Variants in CATSPERB observed in about 807,000 individuals in gnomAD.
CATSPERB encodes the protein cation channel sperm-associated auxiliary subunit beta.
Under a neutral mutation model 128.3 loss-of-function variants are expected in CATSPERB, and 93 were observed. The observed-to-expected ratio is 0.72, with a 90% CI of 0.61 to 0.86. The LOEUF is 0.86. CATSPERB is among the 40% of genes least tolerant of loss of function. The pLI is 0.00. For missense variants in CATSPERB, 1,153 were observed against 1,329.5 expected, an observed-to-expected ratio of 0.87 and a Z score of 2.06; for synonymous variants, 381 against 448.8, an observed-to-expected ratio of 0.85 and a Z score of 1.91.
intron 20 of CATSPERB, among the ~76,000 whole-genome samples, chr14:91,614,422 G>T (rs1038963462): frequency 6.6e-6 from 1 of 152,194 alleles, no homozygotes; most frequent in African/African-American, 2.4e-5. Context: ...TAGCACTTTG[G>T]GAGGCCTAGG....
At chr14:91,688,024 A>G (rs1895403972) in intron 10 of CATSPERB, among the ~76,000 whole-genome samples, 1 of 152,108 alleles carries the variant, frequency 6.6e-6, no homozygotes. Context: ...CACACGAATA[A>G]ATATGAGATA....
chr14:91,648,290 T>C (rs545706153), intron 15 of CATSPERB, among the ~76,000 whole-genome samples: 6 of 152,206 alleles, frequency 3.9e-5, no homozygotes, highest in Non-Finnish European at 8.8e-5. Flanking sequence ...AATCTTTTAA[T>C]GGCATGATGA....
chr14:91,589,466 T>C (rs1477681289), intron 24 of CATSPERB, 68 bp downstream of exon 24: 2 of 1,475,096 alleles, frequency 1.4e-6, no homozygotes, highest in African/African-American at 2.8e-5. Flanking sequence ...TGAAAACCAT[T>C]GATCTTTGTA....
At chr14:91,700,495 C>T (rs912069491) in intron 7 of CATSPERB, among the ~76,000 whole-genome samples, 3 of 152,106 alleles carry the variant, frequency 2.0e-5, no homozygotes, top group African/African-American at 7.2e-5. Flanking sequence ...GCCAGCTCTT[C>T]TTTGCATGTC....
At chr14:91,591,800 T>C in intron 23 of CATSPERB, 92 bp downstream of exon 23, 2 of 826,444 alleles carry the variant, frequency 2.4e-6, no homozygotes, top group South Asian at 2.8e-5. Flanking sequence ...ATTATTTCTA[T>C]GTCTTAGTTT....
intron 15 of CATSPERB, among the ~76,000 whole-genome samples, chr14:91,658,985 A>G (rs985314934): frequency 3.9e-5 from 6 of 152,008 alleles, no homozygotes; most frequent in African/African-American, 1.2e-4. Flanking sequence ...GCAAAATTCA[A>G]CTGAGTTGGA....
intron 10 of CATSPERB, among the ~76,000 whole-genome samples, chr14:91,688,496 A>AT (rs973897894): frequency 1.8e-4 from 27 of 151,060 alleles, no homozygotes; most frequent in Non-Finnish European, 2.5e-4. Flanking sequence ...ATGTTCTTTC[A>AT]TTTTTTTTTA....
intron 19 of CATSPERB, among the ~76,000 whole-genome samples, chr14:91,618,180 G>T (rs1450421617): frequency 6.6e-6 from 1 of 152,166 alleles, no homozygotes; most frequent in Non-Finnish European, 1.5e-5. Context: ...AACTGTCATG[G>T]TGCTGGTGGG....
At chr14:91,660,089 G>T in intron 14 of CATSPERB, 108 bp from the exon 15 acceptor site, 1 of 816,812 alleles carries the variant, frequency 1.2e-6, no homozygotes, top group Non-Finnish European at 1.9e-6. Context: ...TTTTCCATAT[G>T]CCTACATTCA....
intron 3 of CATSPERB, 55 bp from the exon 4 acceptor site, chr14:91,723,244 C>T: frequency 7.6e-7 from 1 of 1,310,930 alleles, no homozygotes; most frequent in Non-Finnish European, 1.0e-6. Context: ...TGCAGACACA[C>T]AAGTTAGTTA....
rs1160059916 is a variant in CATSPERB, at chr14:91,621,840, A to G, written c.2028T>C (p.Asn676=). The change falls in exon 19 of 27, where the codon AAT becomes AAC. Residue 676 remains asparagine, a synonymous_variant. Coordinates refer to ENST00000256343, the MANE Select transcript of CATSPERB (RefSeq NM_024764.4). ...FLITSILDNK[N]ALAIATMPES... is the part of the protein sequence containing the mutation. The stretch of plus-strand genomic sequence containing the variant: ...CAGGCATGGTAGCAATGGCTAATGC[A>G]TTCTTATTATCTAAAATGCTTGTGA... The G allele has an allele frequency of 6.2e-7, 1 of 1,614,102 alleles. No individual in the cohort carries two copies. The highest frequency in any genetic ancestry group is 2.2e-5 in the East Asian group (1 of 44,870).
intron 9 of CATSPERB, among the ~76,000 whole-genome samples, chr14:91,692,248 G>C (rs1895485820): frequency 6.6e-6 from 1 of 151,452 alleles, no homozygotes; most frequent in South Asian, 2.1e-4. Context: ...GTTTAGGAAG[G>C]CACACCCTCA....
At chr14:91,709,524 C>CCA (rs546702882) in intron 5 of CATSPERB, 1 of 74,638 alleles carries the variant, frequency 1.3e-5, no homozygotes, top group Non-Finnish European at 2.5e-5. Context: ...ACTAAAAATA[C>CCA]AAAAAAAAAA....
At chr14:91,729,693 A>G (rs1896181903) in intron 1 of CATSPERB, among the ~76,000 whole-genome samples, 2 of 152,228 alleles carry the variant, frequency 1.3e-5, no homozygotes, top group South Asian at 4.1e-4. Context: ...AATTATTACA[A>G]ACTAGAAAAA....
intron 11 of CATSPERB, among the ~76,000 whole-genome samples, chr14:91,683,323 C>T (rs984716052): frequency 6.6e-5 from 10 of 152,156 alleles, no homozygotes; most frequent in Non-Finnish European, 8.8e-5. Context: ...ATAGCCAGAT[C>T]GACTATGCCA....
chr14:91,612,052 CTTTCT>C (rs1042946770), intron 20 of CATSPERB, among the ~76,000 whole-genome samples: 2 of 115,376 alleles, frequency 1.7e-5, no homozygotes, highest in African/African-American at 3.0e-5. Context: ...TTCTTTCTTT[CTTTCT>C]TTCTTTCTTC....
At chr14:91,603,308 A>G in intron 22 of CATSPERB, 1 of 1,521,046 alleles carries the variant, frequency 6.6e-7, no homozygotes, top group Non-Finnish European at 9.1e-7. Context: ...CTGGTTTATA[A>G]TCTGTATCAG....
intron 17 of CATSPERB, among the ~76,000 whole-genome samples, chr14:91,633,648 C>T (rs1378171187): frequency 2.6e-5 from 4 of 151,670 alleles, no homozygotes; most frequent in South Asian, 2.1e-4. Flanking sequence ...ATTAAATCCA[C>T]AATATAATTT....
chr14:91,685,983 A>G (rs1486208184), intron 10 of CATSPERB, among the ~76,000 whole-genome samples: 1 of 152,190 alleles, frequency 6.6e-6, no homozygotes, highest in East Asian at 1.9e-4. Context: ...AACAGATTTT[A>G]TCTCATGCCA....
Sources: gnomAD v4.1 joint callset for allele counts (sites outside exome capture counted in the v4.1 genomes callset) on GRCh38, gnomAD v4.1.1 for gene constraint, MANE v1.5 for transcripts, NCBI Gene and HGNC (gene_info 2026-07-23, HGNC 2026-07-21) for gene names.